The following TDRP variants were observed in gnomAD, a reference collection of about 807,000 sequenced individuals.
TDRP encodes testis development related protein, also known as testis development-related protein.
A neutral mutation model predicts 10.5 loss-of-function variants in TDRP; 12 were observed. The observed-to-expected ratio is 1.15, with a 90% CI of 0.73 to 1.86. The LOEUF is 1.86. TDRP is among the 40% of genes most tolerant of loss of function. The pLI, the probability that TDRP is intolerant of heterozygous loss-of-function variation, is 0.00. For missense variants in TDRP, 353 were observed against 229.2 expected (o/e 1.54, Z -3.49); for synonymous variants, 139 against 95.4 (o/e 1.46, Z -2.67).
intron 2 of TDRP, among the ~76,000 whole-genome samples, chr8:494,000 T>G (rs1277272155): frequency 6.7e-6 from 1 of 148,542 alleles, no homozygotes; most frequent in Non-Finnish European, 1.5e-5. Context: ...GTTGTTTTTT[T>G]TTTTTTTTTT....
At chr8:508,629 C>A (rs535266120) in intron 1 of TDRP, among the ~76,000 whole-genome samples, 1 of 152,158 alleles carries the variant, frequency 6.6e-6, no homozygotes, top group Non-Finnish European at 1.5e-5. Flanking sequence ...GCCCTTGATA[C>A]ATTGCGATTA....
At chr8:540,888 T>C (rs1213046920) in intron 1 of TDRP, among the ~76,000 whole-genome samples, 2 of 151,718 alleles carry the variant, frequency 1.3e-5, no homozygotes, top group Admixed American at 6.6e-5. Flanking sequence ...ACTGAATGCC[T>C]TTCTAGAATC....
chr8:493,990 G>GTT lies in TDRP; in HGVS notation c.212+502_212+503dup, dbSNP rs1303603080. 4.8e-3 allele frequency among the ~76,000 whole-genome samples: 386 copies of GTT among 79,882 alleles called. 4 individuals are homozygous for GTT. The highest frequency in any genetic ancestry group is 0.017 in the East Asian group (49 of 2,900). The allele number at this position is 79,882 out of a possible 152,430, so 52.4% of individuals were successfully genotyped here. Reference sequence around the variant, plus strand: ...TCATCGAACACCACAACTCATTTCTGTTGTTTTTTTTTTTTTTTTTTTTGA... The same window carrying GTT: ...TCATCGAACACCACAACTCATTTCTGTTTTGTTTTTTTTTTTTTTTTTTTTGA... On this transcript the variant is annotated intron_variant, in intron 2 of 2. Transcript: ENST00000324079.
At chr8:526,587 T>C (rs1404488815) in intron 1 of TDRP, among the ~76,000 whole-genome samples, 1 of 152,166 alleles carries the variant, frequency 6.6e-6, no homozygotes, top group African/African-American at 2.4e-5. Context: ...TTTTAGTATG[T>C]TGTAGAATTT....
chr8:494,354 G>T, intron 2 of TDRP, 140 bp downstream of exon 2: 4 of 688,206 alleles, frequency 5.8e-6, no homozygotes, highest in South Asian at 3.7e-5. Context: ...CAGACGGAGT[G>T]GGGAGGGAAA....
chr8:531,585 A>G (rs1335919918), intron 1 of TDRP, among the ~76,000 whole-genome samples: 5 of 152,220 alleles, frequency 3.3e-5, no homozygotes, highest in South Asian at 2.1e-4. Context: ...ATCTACGACA[A>G]AAATGAAAAG....
At chr8:526,525 G>C (rs551490981) in intron 1 of TDRP, among the ~76,000 whole-genome samples, 73 of 152,204 alleles carry the variant, frequency 4.8e-4, no homozygotes, top group African/African-American at 1.7e-3. Flanking sequence ...TGGTTGATTT[G>C]CATATACTGA....
intron 1 of TDRP, among the ~76,000 whole-genome samples, chr8:502,991 T>C (rs1056236269): frequency 5.3e-5 from 8 of 150,340 alleles, no homozygotes; most frequent in Admixed American, 2.7e-4. Context: ...CAACACAGAA[T>C]ACAGAGCCGC....
chr8:501,602 C>A (rs892917671), intron 1 of TDRP, among the ~76,000 whole-genome samples: 3 of 152,220 alleles, frequency 2.0e-5, no homozygotes, highest in Non-Finnish European at 4.4e-5. Flanking sequence ...CCGCCTCAGC[C>A]TCCCAAAGTG....
In TDRP at chr8:490,281, C is replaced by T. The variant is rs1313109102; in HGVS notation, c.*2118G>A. On this transcript the variant is annotated 3_prime_UTR_variant, in exon 3 of 3. Transcript: ENST00000324079. ...AAGAAAAAATCATTTTTACATTAGT[C>T]TTTGTAGATAAGAAAAATTTGATTT... 1 of 152,170 alleles carries T rather than the reference C, an allele frequency of 6.6e-6. No individual in the cohort carries two copies. The highest frequency in any genetic ancestry group is 1.5e-5 in the Non-Finnish European group (1 of 68,030). 9.4% of individuals were successfully genotyped at this position (152,170 alleles called of 1,614,324 possible).
At chr8:533,538 T>C (rs990732805) in intron 1 of TDRP, among the ~76,000 whole-genome samples, 3 of 152,246 alleles carry the variant, frequency 2.0e-5, no homozygotes, top group Non-Finnish European at 4.4e-5. Flanking sequence ...ATTTCACAGC[T>C]GACCTCCCTG....
chr8:499,816 C>A (rs987805973), intron 1 of TDRP, among the ~76,000 whole-genome samples: 4 of 152,206 alleles, frequency 2.6e-5, no homozygotes, highest in Admixed American at 6.5e-5. Flanking sequence ...CAAGGCTGGC[C>A]CTTGAGGTGG....
chr8:505,994 T>C (rs1379571234), intron 1 of TDRP, among the ~76,000 whole-genome samples: 1 of 152,118 alleles, frequency 6.6e-6, no homozygotes, highest in Admixed American at 6.5e-5. Context: ...AATGTGGGCA[T>C]GGACATCACT....
intron 1 of TDRP, among the ~76,000 whole-genome samples, chr8:532,661 T>C (rs1802238220): frequency 6.6e-6 from 1 of 152,230 alleles, no homozygotes; most frequent in African/African-American, 2.4e-5. Flanking sequence ...GCTATTTATT[T>C]CTGAGTTTAG....
At chr8:503,524 C>T (rs1222911959) in intron 1 of TDRP, among the ~76,000 whole-genome samples, 7 of 149,926 alleles carry the variant, frequency 4.7e-5, no homozygotes, top group African/African-American at 1.5e-4. Context: ...ACACGGAATC[C>T]AGAGCAGCAC....
rs570876458 is a variant in TDRP at position 501,221 on chromosome 8, C to A, written c.109-6624G>T. 3.1e-4 allele frequency among the ~76,000 whole-genome samples: 47 copies of A among 151,702 alleles called. 1 individual carries two copies. Among genetic ancestry groups the A allele is most frequent in the African/African-American group, 3.4e-4 (14 of 41,402 alleles). ...ACTCCATCTCAAAAAAACAAACAAACAAAAAAAACATGAGCGTAATGCTCG... is the reference window on the plus strand; with the variant it reads ...ACTCCATCTCAAAAAAACAAACAAAAAAAAAAAACATGAGCGTAATGCTCG... On this transcript the variant is annotated intron_variant, in intron 1 of 2. Coordinates refer to ENST00000324079, the MANE Select transcript of TDRP (RefSeq NM_001384899.1).
Position 526,648 on chromosome 8 carries a change from G to A in TDRP, c.108+18002C>T, listed in dbSNP as rs567570492. Reference sequence around the variant, plus strand: ...TTTTACATCTATGTTCATCATATTGGCCTGTGGTTTTCTCTTTTTGGTATG... The same window carrying A: ...TTTTACATCTATGTTCATCATATTGACCTGTGGTTTTCTCTTTTTGGTATG... On this transcript the variant is annotated intron_variant, in intron 1 of 2. Coordinates refer to ENST00000324079, the MANE Select transcript of TDRP (RefSeq NM_001384899.1). Among the ~76,000 whole-genome samples, 68 of 152,192 alleles carry A rather than the reference G, an allele frequency of 4.5e-4. 3 individuals carry two copies. The South Asian group carries it at 0.014, about 30-fold the overall frequency.
chr8:542,491 G>C (rs1802522700), intron 1 of TDRP, among the ~76,000 whole-genome samples: 1 of 152,094 alleles, frequency 6.6e-6, no homozygotes, highest in Non-Finnish European at 1.5e-5. Context: ...CCTCAAATTT[G>C]CTGGGCACCT....
chr8:500,307 T>A (rs1007247503), intron 1 of TDRP, among the ~76,000 whole-genome samples: 1 of 152,212 alleles, frequency 6.6e-6, no homozygotes. Flanking sequence ...TAAACGGCAG[T>A]GTCTTATCAA....
Sources: gnomAD v4.1 joint callset for allele counts (sites outside exome capture counted in the v4.1 genomes callset) on GRCh38, gnomAD v4.1.1 for gene constraint, MANE v1.5 for transcripts, NCBI Gene and HGNC (gene_info 2026-07-23, HGNC 2026-07-21) for gene names.